The following FAM227B variants were observed in gnomAD, a reference collection of about 807,000 sequenced individuals.
FAM227B encodes the protein protein FAM227B.
Under a neutral mutation model 73.8 loss-of-function variants are expected in FAM227B, and 88 were observed. That is an observed-to-expected ratio of 1.19 (90% confidence interval 1.00 to 1.42). The LOEUF is 1.42. Ranked by LOEUF, FAM227B falls within the 40% of genes most tolerant of loss-of-function variation. FAM227B has a pLI of 0.00. For synonymous variants in FAM227B, 210 were observed against 190.5 expected (o/e 1.10, Z -0.84); for missense variants, 632 against 590.9 (o/e 1.07, Z -0.72).
chr15:49,328,118 A>G lies in FAM227B; in HGVS notation c.*450T>C. 1 of 1,614,136 alleles carries G rather than the reference A, an allele frequency of 6.2e-7. No individual in the cohort carries two copies. Among genetic ancestry groups the G allele is most frequent in the Admixed American group, 1.7e-5 (1 of 60,014 alleles). ...ACCGGAGAAGCAAAGTTTGTTTGCT[A>G]CCAAACCTGGAGGTGGGGCTTTGGT... On this transcript the variant is annotated 3_prime_UTR_variant, in exon 16 of 16. Coordinates refer to ENST00000299338, the MANE Select transcript of FAM227B (RefSeq NM_152647.3).
At chr15:49,405,018 T>A (rs980830873) in intron 11 of FAM227B, among the ~76,000 whole-genome samples, 4 of 152,142 alleles carry the variant, frequency 2.6e-5, no homozygotes, top group African/African-American at 9.7e-5. Context: ...TGGAGCTAGT[T>A]TGATGAGAAA....
intron 11 of FAM227B, among the ~76,000 whole-genome samples, chr15:49,437,378 T>C (rs2051201480): frequency 6.6e-6 from 1 of 151,532 alleles, no homozygotes; most frequent in South Asian, 2.1e-4. Flanking sequence ...TACTGGCAAA[T>C]AGGTTCTTTC....
At position 49,571,838 on chromosome 15, in the gene FAM227B, T is replaced by C. The variant is rs540487952; in HGVS notation, c.645+3173A>G. On this transcript the variant is annotated intron_variant, in intron 8 of 15. Coordinates refer to ENST00000299338, the MANE Select transcript of FAM227B (RefSeq NM_152647.3). ...TTGCTCAGACTATTCAGGGATCTTC[T>C]GCAGTTCCATATAAATTTTAGGACT... Among the ~76,000 whole-genome samples the C allele has an allele frequency of 5.9e-5, 9 of 152,092 alleles. No individual in the cohort carries two copies. In the South Asian group the frequency reaches 1.7e-3, roughly 28 times the overall value.
In FAM227B at chr15:49,574,415, T is replaced by C. The variant is rs551548268; in HGVS notation, c.645+596A>G. ...ATGGGAGTGGTTTCCCCCACGATGT[T>C]CTCGTAATAGTCAGTGAGTTCTCAT... On this transcript the variant is annotated intron_variant, in intron 8 of 15. Coordinates refer to ENST00000299338, the MANE Select transcript of FAM227B (RefSeq NM_152647.3). Among the ~76,000 whole-genome samples the C allele has an allele frequency of 2.2e-3, 336 of 152,226 alleles. 2 individuals are homozygous for C. Among genetic ancestry groups the C allele is most frequent in the Non-Finnish European group, 3.1e-3 (208 of 68,020 alleles).
At position 49,570,640 on chromosome 15, in the gene FAM227B, G is replaced by A. The variant is rs189359501; in HGVS notation, c.646-2294C>T. 2.0e-3 allele frequency among the ~76,000 whole-genome samples: 304 copies of A among 151,060 alleles called. 1 individual carries two copies. The highest frequency in any genetic ancestry group is 7.1e-3 in the African/African-American group (291 of 41,234). On this transcript the variant is annotated intron_variant, in intron 8 of 15. Coordinates refer to ENST00000299338, the MANE Select transcript of FAM227B (RefSeq NM_152647.3). ...CCTTTCCCCATTTCTCCCCACCCTC[G>A]GCCTCTGATAACTACCTTTCTGCTG...
chr15:49,336,294 G>C (rs2039702195), intron 13 of FAM227B, among the ~76,000 whole-genome samples: 1 of 152,210 alleles, frequency 6.6e-6, no homozygotes, highest in Non-Finnish European at 1.5e-5. Context: ...TCTGTTTCTG[G>C]TGCAGTCTGT....
At chr15:49,590,733 T>C (rs2076473529) in intron 3 of FAM227B, among the ~76,000 whole-genome samples, 2 of 152,192 alleles carry the variant, frequency 1.3e-5, no homozygotes, top group South Asian at 4.1e-4. Flanking sequence ...CCATACATTA[T>C]TATTAACTGT....
At chr15:49,503,147 C>A (rs1329576531) in intron 11 of FAM227B, among the ~76,000 whole-genome samples, 1 of 152,106 alleles carries the variant, frequency 6.6e-6, no homozygotes, top group African/African-American at 2.4e-5. Context: ...TGATCTTTGA[C>A]AAACCTGACA....
chr15:49,329,618 T>G, intron 15 of FAM227B: 1 of 984,892 alleles, frequency 1.0e-6, no homozygotes, highest in Non-Finnish European at 1.2e-6. Flanking sequence ...ATTTTCATTC[T>G]TAGCAGAAAG....
intron 11 of FAM227B, among the ~76,000 whole-genome samples, chr15:49,411,578 G>A (rs1453147651): frequency 1.3e-5 from 2 of 152,040 alleles, no homozygotes; most frequent in Non-Finnish European, 2.9e-5. Flanking sequence ...GGTAAAGGAT[G>A]AGTACATATA....
chr15:49,585,913 G>A (rs1299766276), intron 5 of FAM227B, among the ~76,000 whole-genome samples: 1 of 152,072 alleles, frequency 6.6e-6, no homozygotes, highest in Non-Finnish European at 1.5e-5. Flanking sequence ...CCATGCTCGT[G>A]AACAGGAAGA....
intron 9 of FAM227B, among the ~76,000 whole-genome samples, chr15:49,548,248 A>G (rs974808394): frequency 2.0e-5 from 3 of 152,158 alleles, no homozygotes; most frequent in Non-Finnish European, 4.4e-5. Context: ...ATTTTATCAA[A>G]TGCTTTTTTT....
intron 11 of FAM227B, chr15:49,424,425 A>C: frequency 6.2e-7 from 1 of 1,613,712 alleles, no homozygotes; most frequent in Non-Finnish European, 8.5e-7. Flanking sequence ...ATGGCTACAA[A>C]TGTGAACTGT....
intron 13 of FAM227B, among the ~76,000 whole-genome samples, chr15:49,363,938 A>G (rs920501425): frequency 6.6e-6 from 1 of 152,184 alleles, no homozygotes; most frequent in East Asian, 1.9e-4. Context: ...CACATGTTGC[A>G]TGAACCTTGT....
intron 13 of FAM227B, among the ~76,000 whole-genome samples, chr15:49,344,731 T>C (rs1329164343): frequency 1.3e-5 from 2 of 152,140 alleles, no homozygotes; most frequent in Non-Finnish European, 2.9e-5. Context: ...TTAGCTTTTT[T>C]CCCCACTTTG....
chr15:49,331,631 T>G, intron 15 of FAM227B, 149 bp downstream of exon 15: 4 of 590,624 alleles, frequency 6.8e-6, no homozygotes, highest in South Asian at 4.5e-5. Flanking sequence ...TTCTTACATG[T>G]GCATGTAGAT....
chr15:49,465,304 CTTTTTTT>C (rs67362920), intron 11 of FAM227B, among the ~76,000 whole-genome samples: 1 of 140,604 alleles, frequency 7.1e-6, no homozygotes, highest in Non-Finnish European at 1.5e-5. Flanking sequence ...TTTTCTTTTT[CTTTTTTT>C]TTTTTTTGGT....
chr15:49,327,846 G>T lies in FAM227B; in HGVS notation c.*722C>A. The stretch of plus-strand genomic sequence containing the variant: ...TTGATGACACCTAAAAACCCCGCAT[G>T]TATTTTCTTCTTAGAACTTAGATAG... On this transcript the variant is annotated 3_prime_UTR_variant, in exon 16 of 16. Coordinates refer to ENST00000299338, the MANE Select transcript of FAM227B (RefSeq NM_152647.3). The T allele has an allele frequency of 9.6e-7, 1 of 1,044,536 alleles. No individual in the cohort carries two copies. The highest frequency in any genetic ancestry group is 1.4e-6 in the Non-Finnish European group (1 of 727,212). 64.7% of individuals were successfully genotyped at this position (1,044,536 alleles called of 1,614,324 possible).
At chr15:49,338,834 C>T (rs373568932) in intron 13 of FAM227B, among the ~76,000 whole-genome samples, 1 of 152,056 alleles carries the variant, frequency 6.6e-6, no homozygotes, top group Non-Finnish European at 1.5e-5. Context: ...TCTTTTCATT[C>T]TTTTTTTCTC....
Sources: allele counts gnomAD v4.1 joint callset (sites outside exome capture counted in the v4.1 genomes callset), GRCh38; gene constraint gnomAD v4.1.1; transcripts MANE v1.5; gene names NCBI Gene and HGNC (gene_info 2026-07-23, HGNC 2026-07-21).